Variants in PDGFRA observed in about 807,000 individuals in gnomAD.
The protein encoded by PDGFRA is platelet derived growth factor receptor alpha.
In PDGFRA, 25 loss-of-function variants were observed where a neutral mutation model predicts 121.5. That is an observed-to-expected ratio of 0.21 (90% confidence interval 0.15 to 0.29). The LOEUF (loss-of-function observed/expected upper bound fraction) is 0.29, where lower values mean the gene tolerates loss of function less well. Among genes scored for constraint, PDGFRA ranks in the 10% least tolerant of loss-of-function variants. PDGFRA has a pLI of 1.00. For missense variants in PDGFRA, 1,008 were observed against 1,345.1 expected, an observed-to-expected ratio of 0.75 and a Z score of 3.92; for synonymous variants, 463 against 494.8, an observed-to-expected ratio of 0.94 and a Z score of 0.85.
Position 54,295,365 on chromosome 4 carries a change from G to C in PDGFRA, c.*93G>C. On this transcript the variant is annotated 3_prime_UTR_variant, in exon 23 of 23. Transcript: ENST00000257290. ...ATTGCAATGCAGAGGTTGAGAGGAG[G>C]ACTTGGTTGATGTTTAAAGAGAAGT... is the stretch of plus-strand genomic sequence containing the variant. 17 of 1,251,194 alleles carry C rather than the reference G, an allele frequency of 1.4e-5. No individual in the cohort carries two copies. The highest frequency in any genetic ancestry group is 2.9e-5 in the African/African-American group (2 of 67,946). 77.5% of individuals were successfully genotyped at this position (1,251,194 alleles called of 1,614,324 possible).
chr4:54,258,760 C>T lies in PDGFRA; in HGVS notation c.-9C>T. ...TGTTGACTTTTGACTTTTCTAGTTT[C>T]CCAGAGCTATGGGGACTTCCCATCC... On this transcript the variant is annotated 5_prime_UTR_variant, in exon 2 of 23. Transcript: ENST00000257290. 6.2e-7 allele frequency: 1 copy of T among 1,609,902 alleles called. No individual in the cohort carries two copies. The highest frequency in any genetic ancestry group is 8.5e-7 in the Non-Finnish European group (1 of 1,176,148).
At chr4:54,292,580 G>C (rs903614091) in intron 22 of PDGFRA, among the ~76,000 whole-genome samples, 3 of 152,062 alleles carry the variant, frequency 2.0e-5, no homozygotes, top group African/African-American at 7.3e-5. Context: ...ATAATACCTG[G>C]GTGATGGGAT....
intron 1 of PDGFRA, among the ~76,000 whole-genome samples, chr4:54,253,547 A>T (rs1351143708): frequency 1.3e-5 from 2 of 152,318 alleles, no homozygotes; most frequent in African/African-American, 2.4e-5. Flanking sequence ...TTATGGCAAA[A>T]GCTTTTTGAG....
chr4:54,256,737 G>A (rs953591985), intron 1 of PDGFRA, among the ~76,000 whole-genome samples: 2 of 151,926 alleles, frequency 1.3e-5, no homozygotes, highest in Non-Finnish European at 2.9e-5. Flanking sequence ...TGCGGGCCGG[G>A]TGTGGTGGTT....
chr4:54,278,144 C>T lies in PDGFRA; in HGVS notation c.2002+138C>T. On this transcript the variant is annotated intron_variant, in intron 14 of 22. Coordinates refer to ENST00000257290, the MANE Select transcript of PDGFRA (RefSeq NM_006206.6). ...AGTCCCTTGAATGGAGCTGACTGGT[C>T]CCTTGAATTGATGGAAGCTCATTGG... 3 of 728,754 alleles carry T rather than the reference C, an allele frequency of 4.1e-6. No individual in the cohort carries two copies. In the South Asian group the frequency reaches 4.6e-5, roughly 11 times the overall value. The allele number at this position is 728,754 out of a possible 1,614,324, so 45.1% of individuals were successfully genotyped here.
At chr4:54,275,050 A>C in intron 12 of PDGFRA, 77 bp downstream of exon 12, 5 of 1,489,146 alleles carry the variant, frequency 3.4e-6, no homozygotes, top group Non-Finnish European at 4.7e-6. Flanking sequence ...CCTTGGCAGA[A>C]TAGAGATCTG....
At chr4:54,274,754 T>G (rs1003908337) in intron 11 of PDGFRA, 87 bp from the exon 12 acceptor site, 3 of 1,503,128 alleles carry the variant, frequency 2.0e-6, no homozygotes, top group Non-Finnish European at 2.8e-6. Context: ...TGGACTCTAC[T>G]GTGTCCAGTC....
At chr4:54,259,141 A>T (rs1722544124) in intron 2 of PDGFRA, among the ~76,000 whole-genome samples, 1 of 151,838 alleles carries the variant, frequency 6.6e-6, no homozygotes, top group South Asian at 2.1e-4. Flanking sequence ...TTAGAGCTGG[A>T]TTAGATAAAT....
intron 1 of PDGFRA, among the ~76,000 whole-genome samples, chr4:54,231,787 C>T (rs1251556323): frequency 6.6e-6 from 1 of 152,224 alleles, no homozygotes; most frequent in African/African-American, 2.4e-5. Context: ...CGTCGTTAGC[C>T]CCCGGTGCCC....
intron 1 of PDGFRA, among the ~76,000 whole-genome samples, chr4:54,255,785 G>A (rs1265696374): frequency 1.3e-4 from 19 of 151,862 alleles, no homozygotes; most frequent in Admixed American, 1.2e-3. Context: ...GATTACAGGC[G>A]TGAGCCACTG....
At chr4:54,276,965 C>G (rs1054029655) in intron 12 of PDGFRA, among the ~76,000 whole-genome samples, 13 of 152,166 alleles carry the variant, frequency 8.5e-5, no homozygotes, top group African/African-American at 2.9e-4. Flanking sequence ...ATTTTGAATA[C>G]TGAAGTATTT....
At position 54,270,400 on chromosome 4, in the gene PDGFRA, C is replaced by A. The variant is rs539979986; in HGVS notation, c.1122-233C>A. Reference sequence around the variant, plus strand: ...CTGAACTGATAGCTCTTGGAGATGGCCATTGCTCATCTCTGAATGTCTGGT... The same window carrying A: ...CTGAACTGATAGCTCTTGGAGATGGACATTGCTCATCTCTGAATGTCTGGT... On this transcript the variant is annotated intron_variant, in intron 7 of 22. Transcript: ENST00000257290. 2.0e-5 allele frequency among the ~76,000 whole-genome samples: 3 copies of A among 152,194 alleles called. No individual in the cohort carries two copies. In the South Asian group the frequency reaches 6.2e-4, roughly 32 times the overall value.
intron 10 of PDGFRA, 34 bp from the exon 11 acceptor site, chr4:54,274,497 A>G: frequency 2.6e-6 from 4 of 1,519,676 alleles, no homozygotes; most frequent in Non-Finnish European, 3.6e-6. Flanking sequence ...CTGCCAGGAA[A>G]CTTTTCATTG....
intron 5 of PDGFRA, among the ~76,000 whole-genome samples, chr4:54,265,669 T>A (rs1222056758): frequency 6.6e-6 from 1 of 152,038 alleles, no homozygotes; most frequent in Non-Finnish European, 1.5e-5. Flanking sequence ...GGAGGGGAGA[T>A]GGAAGTGGGG....
chr4:54,279,905 CAT>C (rs926969812), intron 15 of PDGFRA, among the ~76,000 whole-genome samples: 4,972 of 150,796 alleles, frequency 0.033, 258 homozygotes, highest in African/African-American at 0.11. Flanking sequence ...AGCTGAGTTA[CAT>C]ATATATATAT....
At chr4:54,261,070 A>G in intron 2 of PDGFRA, 25 bp from the exon 3 acceptor site, 2 of 1,608,350 alleles carry the variant, frequency 1.2e-6, no homozygotes, top group South Asian at 1.1e-5. Flanking sequence ...ACTGCATCCT[A>G]TTCAGAGCGT....
At chr4:54,261,931 A>ATATATATATATATT (rs57094735) in intron 3 of PDGFRA, among the ~76,000 whole-genome samples, 2 of 58,422 alleles carry the variant, frequency 3.4e-5, no homozygotes, top group Admixed American at 2.3e-4. Context: ...ATATATATAT[A>ATATATATATATATT]TTTTTTTTTT....
chr4:54,236,631 G>T (rs781527922), intron 1 of PDGFRA, among the ~76,000 whole-genome samples: 47 of 152,088 alleles, frequency 3.1e-4, no homozygotes, highest in Non-Finnish European at 6.0e-4. Flanking sequence ...GTGAAACCCT[G>T]TCTGTACTAA....
intron 1 of PDGFRA, among the ~76,000 whole-genome samples, chr4:54,251,347 G>GA (rs1156406245): frequency 2.0e-5 from 3 of 152,042 alleles, no homozygotes; most frequent in Non-Finnish European, 4.4e-5. Flanking sequence ...TTTAACAATT[G>GA]AAAAAAGTAT....
Sources: gnomAD v4.1 joint callset for allele counts (sites outside exome capture counted in the v4.1 genomes callset) on GRCh38, gnomAD v4.1.1 for gene constraint, MANE v1.5 for transcripts, NCBI Gene and HGNC (gene_info 2026-07-23, HGNC 2026-07-21) for gene names.